IQCM: variants seen among roughly 807,000 people sequenced by gnomAD.
IQCM encodes IQ domain-containing protein M.
In IQCM, 45 loss-of-function variants were observed where a neutral mutation model predicts 57.6. That is an observed-to-expected ratio of 0.78 (90% CI 0.62 to 1.00). The LOEUF is 1.00. Among genes scored for constraint, IQCM ranks in the 50% least tolerant of loss-of-function variants. The pLI is 0.00. For synonymous variants in IQCM, 148 were observed against 158.9 expected (o/e 0.93, Z 0.51); for missense variants, 468 against 511.6 (o/e 0.91, Z 0.82).
intron 5 of IQCM, among the ~76,000 whole-genome samples, chr4:149,689,990 GA>G: frequency 6.6e-6 from 1 of 152,124 alleles, no homozygotes. Context: ...AGCCAGTATG[GA>G]AAACAGTGTG....
At chr4:149,579,435 T>G (rs1352934943) in intron 9 of IQCM, among the ~76,000 whole-genome samples, 1 of 152,000 alleles carries the variant, frequency 6.6e-6, no homozygotes, top group East Asian at 2.0e-4. Context: ...GGTTATTTTG[T>G]GTCCTCTTTG....
At chr4:149,524,482 C>A (rs1745966024) in intron 12 of IQCM, among the ~76,000 whole-genome samples, 1 of 151,902 alleles carries the variant, frequency 6.6e-6, no homozygotes, top group Non-Finnish European at 1.5e-5. Context: ...AATTAGAACT[C>A]TCTTAGAGAA....
intron 12 of IQCM, among the ~76,000 whole-genome samples, chr4:149,535,286 T>A (rs1747175345): frequency 6.6e-6 from 1 of 152,084 alleles, no homozygotes; most frequent in African/African-American, 2.4e-5. Context: ...AATTAAAAGT[T>A]TGCATATTTT....
intron 12 of IQCM, among the ~76,000 whole-genome samples, chr4:149,452,852 T>G (rs1241635423): frequency 1.3e-5 from 2 of 151,412 alleles, no homozygotes; most frequent in African/African-American, 4.8e-5. Flanking sequence ...TCTAGCAAAG[T>G]TTAATTTTAA....
At chr4:149,801,600 C>T (rs181618752) in intron 2 of IQCM, among the ~76,000 whole-genome samples, 50 of 152,000 alleles carry the variant, frequency 3.3e-4, no homozygotes, top group African/African-American at 1.2e-3. Context: ...AACGTGGATG[C>T]AGCTGGAGAT....
At chr4:149,585,531 T>C (rs902665032) in intron 9 of IQCM, among the ~76,000 whole-genome samples, 3 of 151,730 alleles carry the variant, frequency 2.0e-5, no homozygotes, top group Non-Finnish European at 4.4e-5. Context: ...TATAGTTTTA[T>C]ATTGTTCACT....
intron 5 of IQCM, among the ~76,000 whole-genome samples, chr4:149,708,071 C>A (rs1764290309): frequency 6.6e-6 from 1 of 151,958 alleles, no homozygotes; most frequent in Non-Finnish European, 1.5e-5. Context: ...ATCCACTCAA[C>A]ATTTCTGACA....
intron 13 of IQCM, among the ~76,000 whole-genome samples, chr4:149,409,623 A>G (rs1000105802): frequency 6.6e-6 from 1 of 152,218 alleles, no homozygotes; most frequent in African/African-American, 2.4e-5. Flanking sequence ...TAAATAAAAG[A>G]GAAAGAATAG....
intron 12 of IQCM, among the ~76,000 whole-genome samples, chr4:149,519,878 G>A (rs1251327772): frequency 2.6e-5 from 4 of 151,932 alleles, no homozygotes; most frequent in Admixed American, 2.6e-4. Context: ...GGTGGCGGGT[G>A]CCTGTAGTCC....
chr4:149,472,500 T>C (rs929682491), intron 12 of IQCM, among the ~76,000 whole-genome samples: 7 of 152,190 alleles, frequency 4.6e-5, no homozygotes, highest in Non-Finnish European at 5.9e-5. Flanking sequence ...GAATATTCCA[T>C]GCCCATGGAT....
chr4:149,808,414 G>A (rs1043136810), intron 2 of IQCM, among the ~76,000 whole-genome samples: 8 of 152,208 alleles, frequency 5.3e-5, no homozygotes, highest in Middle Eastern at 3.4e-3. Flanking sequence ...CAGAAGGGAT[G>A]AAGAAAAGTT....
At chr4:149,622,250 G>A (rs1208323561) in intron 7 of IQCM, among the ~76,000 whole-genome samples, 1 of 151,874 alleles carries the variant, frequency 6.6e-6, no homozygotes, top group Non-Finnish European at 1.5e-5. Context: ...TTTCAGTCAA[G>A]AGTCTCTGCA....
Position 149,731,063 on chromosome 4 carries a change from T to C in IQCM, c.385+2181A>G, listed in dbSNP as rs535403660. Among the ~76,000 whole-genome samples the C allele has an allele frequency of 2.6e-5, 4 of 152,272 alleles. No homozygotes were observed. In the East Asian group the frequency reaches 7.7e-4, roughly 29 times the overall value. On this transcript the variant is annotated intron_variant, in intron 5 of 13. Coordinates refer to ENST00000636793, the MANE Select transcript of IQCM (RefSeq NM_001363507.2). ...CTACTTAACAGGTCTAAAACTGAATTCGTTATTTTCCCCCATCCCTTTCCC... is the reference window on the plus strand; with the variant it reads ...CTACTTAACAGGTCTAAAACTGAATCCGTTATTTTCCCCCATCCCTTTCCC...
chr4:149,531,645 C>T (rs1023600650), intron 12 of IQCM, among the ~76,000 whole-genome samples: 2 of 151,994 alleles, frequency 1.3e-5, no homozygotes, highest in African/African-American at 4.8e-5. Context: ...AATTTCAATG[C>T]ATTTATCACC....
intron 12 of IQCM, among the ~76,000 whole-genome samples, chr4:149,529,712 C>G (rs1272830335): frequency 6.6e-6 from 1 of 152,194 alleles, no homozygotes; most frequent in Admixed American, 6.5e-5. Context: ...TCATCATACC[C>G]TGTAAACCCA....
At chr4:149,752,840 A>G (rs1004798671) in intron 2 of IQCM, among the ~76,000 whole-genome samples, 5 of 152,272 alleles carry the variant, frequency 3.3e-5, no homozygotes, top group African/African-American at 1.2e-4. Flanking sequence ...TAGAAATGCA[A>G]CTTCCCACTG....
chr4:149,587,240 C>T (rs1022971627), intron 9 of IQCM, among the ~76,000 whole-genome samples: 2 of 151,754 alleles, frequency 1.3e-5, no homozygotes, highest in African/African-American at 4.8e-5. Context: ...TTTCAAGAGT[C>T]AAATAGTTTC....
intron 12 of IQCM, among the ~76,000 whole-genome samples, chr4:149,453,963 C>G (rs1311722678): frequency 3.3e-5 from 5 of 151,584 alleles, no homozygotes; most frequent in Non-Finnish European, 7.4e-5. Flanking sequence ...GAAATTTTAG[C>G]TGTTCATCAA....
intron 8 of IQCM, among the ~76,000 whole-genome samples, chr4:149,615,300 T>G (rs918911438): frequency 4.6e-5 from 7 of 152,176 alleles, no homozygotes; most frequent in Admixed American, 1.3e-4. Flanking sequence ...ATATTACATT[T>G]TATGTTACAC....
Sources: allele counts gnomAD v4.1 joint callset (sites outside exome capture counted in the v4.1 genomes callset), GRCh38; gene constraint gnomAD v4.1.1; transcripts MANE v1.5; gene names NCBI Gene and HGNC (gene_info 2026-07-23, HGNC 2026-07-21).